RPTOR: variants seen among roughly 807,000 people sequenced by gnomAD.
RPTOR encodes the protein regulatory associated protein of MTOR complex 1, also known as regulatory-associated protein of mTOR.
Under a neutral mutation model 169.9 loss-of-function variants are expected in RPTOR, and 21 were observed. That is an observed-to-expected ratio of 0.12 (90% CI 0.09 to 0.18). The LOEUF (loss-of-function observed/expected upper bound fraction) is 0.18. Ranked by LOEUF, RPTOR falls within the 10% of genes least tolerant of loss-of-function variation. The pLI, the probability that RPTOR is intolerant of heterozygous loss-of-function variation, is 1.00. For synonymous variants in RPTOR, 732 were observed against 753.2 expected (o/e 0.97, Z 0.46); for missense variants, 1,133 against 1,855.9 (o/e 0.61, Z 7.16).
intron 3 of RPTOR, among the ~76,000 whole-genome samples, chr17:80,686,528 A>C (rs1360142520): frequency 6.6e-6 from 1 of 151,968 alleles, no homozygotes; most frequent in African/African-American, 2.4e-5. Context: ...CTTCCCCGTG[A>C]ATGAAGAGAA....
chr17:80,599,498 G>A (rs1439602469), intron 1 of RPTOR, among the ~76,000 whole-genome samples: 1 of 152,242 alleles, frequency 6.6e-6, no homozygotes, highest in African/African-American at 2.4e-5. Flanking sequence ...CCCAATGCCT[G>A]CAGCTCTGGC....
intron 7 of RPTOR, among the ~76,000 whole-genome samples, chr17:80,792,458 A>T (rs1376555956): frequency 6.6e-6 from 1 of 152,090 alleles, no homozygotes; most frequent in Non-Finnish European, 1.5e-5. Flanking sequence ...GTTCACTCCC[A>T]CCGTGGAAGG....
chr17:80,567,922 T>C (rs2064862980), intron 1 of RPTOR, among the ~76,000 whole-genome samples: 1 of 152,048 alleles, frequency 6.6e-6, no homozygotes, highest in African/African-American at 2.4e-5. Flanking sequence ...TTTTTTTTAT[T>C]CTGAGACAGA....
chr17:80,756,296 T>G (rs2066680393), intron 6 of RPTOR, among the ~76,000 whole-genome samples: 2 of 152,346 alleles, frequency 1.3e-5, no homozygotes, highest in South Asian at 4.1e-4. Context: ...CAGATGCCAC[T>G]CTTTGACCTT....
chr17:80,635,824 G>A (rs758370265), intron 2 of RPTOR, among the ~76,000 whole-genome samples: 24 of 152,128 alleles, frequency 1.6e-4, no homozygotes, highest in Admixed American at 6.5e-4. Context: ...ATGAGGTGGT[G>A]AAGCTTGTGG....
At chr17:80,669,884 C>T (rs964721833) in intron 3 of RPTOR, among the ~76,000 whole-genome samples, 1 of 152,166 alleles carries the variant, frequency 6.6e-6, no homozygotes, top group African/African-American at 2.4e-5. Flanking sequence ...TCAGTCGTCA[C>T]TTTCATGTTT....
intron 1 of RPTOR, among the ~76,000 whole-genome samples, chr17:80,589,719 T>C (rs2065089605): frequency 1.3e-5 from 2 of 152,214 alleles, no homozygotes; most frequent in Admixed American, 6.5e-5. Flanking sequence ...TTCTGGTGCA[T>C]AGGAATGCAG....
chr17:80,710,394 C>G (rs2066178261), intron 4 of RPTOR, among the ~76,000 whole-genome samples: 1 of 152,084 alleles, frequency 6.6e-6, no homozygotes, highest in Non-Finnish European at 1.5e-5. Context: ...AGGGAGGCAT[C>G]TTTGTTTCTC....
In RPTOR at chr17:80,721,572, C is replaced by A. The variant is rs1429192896; in HGVS notation, c.508-8988C>A. On this transcript the variant is annotated intron_variant, in intron 4 of 33. Transcript: ENST00000306801. This position sits in a 1 kb window ranked among gnomAD's most constrained non-coding sequence, Gnocchi z 4.7. Reference sequence around the variant, plus strand: ...GCAGTTTGCAGGAGCATCCTTTGGGCTCTTACCTCAGTCGGTGGGGCTGGG... The same window carrying A: ...GCAGTTTGCAGGAGCATCCTTTGGGATCTTACCTCAGTCGGTGGGGCTGGG... Among the ~76,000 whole-genome samples, 1 of 151,352 alleles carries A rather than the reference C, an allele frequency of 6.6e-6. No homozygotes were observed. Among genetic ancestry groups the A allele is most frequent in the Non-Finnish European group, 1.5e-5 (1 of 68,032 alleles).
chr17:80,679,085 GAA>G (rs1171649092), intron 3 of RPTOR, among the ~76,000 whole-genome samples: 1 of 152,228 alleles, frequency 6.6e-6, no homozygotes, highest in African/African-American at 2.4e-5. Flanking sequence ...TCCTCTGCAT[GAA>G]AGGCAGGTCT....
In RPTOR at chr17:80,760,863, C is replaced by T. The variant is rs189281805; in HGVS notation, c.830+6678C>T. On this transcript the variant is annotated intron_variant, in intron 6 of 33. Transcript: ENST00000306801. ...ATGCTGGCACAGCTGCTACAGAATG[C>T]GGTGTGCTGGGTAAACAACATACAG... 1.4e-4 allele frequency among the ~76,000 whole-genome samples: 22 copies of T among 152,098 alleles called. No individual in the cohort carries two copies. In the East Asian group the frequency reaches 3.7e-3, roughly 25 times the overall value.
At chr17:80,719,364 A>G (rs535899089) in intron 4 of RPTOR, among the ~76,000 whole-genome samples, 1 of 152,154 alleles carries the variant, frequency 6.6e-6, no homozygotes, top group Non-Finnish European at 1.5e-5. Context: ...TTATATTCCA[A>G]GTGAAGCAGT....
intron 3 of RPTOR, among the ~76,000 whole-genome samples, chr17:80,693,432 C>G (rs973055575): frequency 1.3e-5 from 2 of 152,218 alleles, no homozygotes; most frequent in Admixed American, 1.3e-4. Flanking sequence ...AATAGCTTTT[C>G]TTTTTGGACT....
chr17:80,571,290 C>T (rs926735314), intron 1 of RPTOR, among the ~76,000 whole-genome samples: 1 of 152,074 alleles, frequency 6.6e-6, no homozygotes, highest in African/African-American at 2.4e-5. Context: ...TAAGAAGGTC[C>T]TTTCTAGTCT....
intron 3 of RPTOR, among the ~76,000 whole-genome samples, chr17:80,689,119 T>G (rs544347579): frequency 4.3e-4 from 65 of 152,356 alleles, no homozygotes; most frequent in African/African-American, 1.5e-3. Flanking sequence ...CGGTTTCATA[T>G]GTATGGAGTA....
intron 24 of RPTOR, 63 bp from the exon 25 acceptor site, chr17:80,940,433 T>C (rs1314852222): frequency 1.3e-5 from 19 of 1,434,420 alleles, no homozygotes; most frequent in Middle Eastern, 1.7e-4. Flanking sequence ...CCATACCCCA[T>C]TGATACCAAG....
At chr17:80,700,351 CAATGATCTAAGA>C (rs1202797364) in intron 3 of RPTOR, among the ~76,000 whole-genome samples, 1 of 145,992 alleles carries the variant, frequency 6.8e-6, no homozygotes, top group Non-Finnish European at 1.5e-5. Flanking sequence ...GAAGTTACTC[CAATGATCTAAGA>C]AATAGATAAG....
In RPTOR at chr17:80,730,824, A is replaced by G. The variant is rs1402247289; in HGVS notation, c.654+118A>G. On this transcript the variant is annotated intron_variant, in intron 5 of 33. Coordinates refer to ENST00000306801, the MANE Select transcript of RPTOR (RefSeq NM_020761.3). The surrounding 1 kb of genome is among the most constrained non-coding windows in gnomAD (Gnocchi z 4.2). ...ATCCTCTGAATGGAGCAGGGCTCAG[A>G]ATGCCAAGGGCAGGATGGCATATTC... 2.8e-6 allele frequency: 3 copies of G among 1,065,806 alleles called. No individual in the cohort carries two copies. Among genetic ancestry groups the G allele is most frequent in the Non-Finnish European group, 2.8e-6 (2 of 722,204 alleles). The allele number at this position is 1,065,806 out of a possible 1,614,324, so 66.0% of individuals were successfully genotyped here.
At chr17:80,945,402 C>T (rs565598994) in intron 25 of RPTOR, among the ~76,000 whole-genome samples, 1 of 152,214 alleles carries the variant, frequency 6.6e-6, no homozygotes, top group African/African-American at 2.4e-5. Flanking sequence ...ACCATCCTGT[C>T]TAACACGGTG....
Sources: allele counts gnomAD v4.1 joint callset (sites outside exome capture counted in the v4.1 genomes callset), GRCh38; gene constraint gnomAD v4.1.1; non-coding constraint Gnocchi (gnomAD v3.1); transcripts MANE v1.5; gene names NCBI Gene and HGNC (gene_info 2026-07-23, HGNC 2026-07-21).